NLGN4X: variants seen among roughly 807,000 people sequenced by gnomAD.
NLGN4X encodes the protein neuroligin-4, X-linked.
In NLGN4X, 3 loss-of-function variants were observed where a neutral mutation model predicts 40.3. That is an observed-to-expected ratio of 0.07 (90% CI 0.03 to 0.19). The LOEUF (loss-of-function observed/expected upper bound fraction) is 0.19, where lower values mean the gene tolerates loss of function less well. Ranked by LOEUF, NLGN4X falls within the 10% of genes least tolerant of loss-of-function variation. The pLI is 1.00. For synonymous variants in NLGN4X, 270 were observed against 306.8 expected, an observed-to-expected ratio of 0.88 and a Z score of 1.25; for missense variants, 382 against 708.3, an observed-to-expected ratio of 0.54 and a Z score of 5.23.
intron 1 of NLGN4X, chrX:6,226,796 C>CG (rs1926395936): frequency 8.3e-6 from 1 of 120,843 alleles, no homozygotes; most frequent in African/African-American, 3.2e-5. Context: ...GGGCGCAGGC[C>CG]GGGACCTGGG....
At chrX:5,949,630 A>G (rs1201585859) in intron 3 of NLGN4X, among the ~76,000 whole-genome samples, 1 of 112,209 alleles carries the variant, frequency 8.9e-6, no homozygotes, top group Non-Finnish European at 1.9e-5. Context: ...ATTAATTTCT[A>G]CAGAAGTAAT....
chrX:6,147,012 G>A (rs1235665018), intron 2 of NLGN4X, among the ~76,000 whole-genome samples: 2 of 111,361 alleles, frequency 1.8e-5, no homozygotes, highest in Non-Finnish European at 3.8e-5. Flanking sequence ...GGCTGGTCAC[G>A]AATTCCTGAC....
chrX:5,981,087 C>T (rs2035373688), intron 3 of NLGN4X, among the ~76,000 whole-genome samples: 1 of 110,559 alleles, frequency 9.0e-6, no homozygotes, highest in Non-Finnish European at 1.9e-5. Flanking sequence ...CATCAGTGTC[C>T]CTCAGTGACA....
intron 3 of NLGN4X, among the ~76,000 whole-genome samples, chrX:5,966,593 A>G (rs1420648108): frequency 8.9e-6 from 1 of 112,766 alleles, no homozygotes; most frequent in Non-Finnish European, 1.9e-5. Context: ...ATTATTAGTA[A>G]GTATACTTAA....
intron 5 of NLGN4X, among the ~76,000 whole-genome samples, chrX:5,897,616 G>A (rs1601845911): frequency 9.0e-6 from 1 of 111,642 alleles, no homozygotes; most frequent in East Asian, 2.8e-4. Flanking sequence ...CTCAGGCACA[G>A]GCCTGGGCAA....
At chrX:6,035,277 A>G (rs2036973052) in intron 2 of NLGN4X, among the ~76,000 whole-genome samples, 1 of 111,478 alleles carries the variant, frequency 9.0e-6, no homozygotes, top group African/African-American at 3.3e-5. Flanking sequence ...TATGTTCTCA[A>G]TAGTGCCTTT....
intron 2 of NLGN4X, among the ~76,000 whole-genome samples, chrX:6,113,709 AT>A (rs1414975880): frequency 9.1e-6 from 1 of 110,058 alleles, no homozygotes; most frequent in East Asian, 2.8e-4. Context: ...AAAAAAAAAA[AT>A]GCACGATACA....
At chrX:6,037,336 T>TA (rs1602109142) in intron 2 of NLGN4X, among the ~76,000 whole-genome samples, 3 of 109,170 alleles carry the variant, frequency 2.7e-5, no homozygotes, top group Non-Finnish European at 3.8e-5. Flanking sequence ...ATAAAAAAAT[T>TA]AAAAAAAATT....
chrX:6,214,715 T>G (rs181028783), intron 1 of NLGN4X, among the ~76,000 whole-genome samples: 1,146 of 111,065 alleles, frequency 0.01, 6 homozygotes, highest in Non-Finnish European at 0.016. Context: ...CGCAACATAG[T>G]GAGACCCCGT....
intron 2 of NLGN4X, among the ~76,000 whole-genome samples, chrX:6,038,504 G>C (rs147810663): frequency 8.9e-6 from 1 of 112,710 alleles, no homozygotes; most frequent in African/African-American, 3.2e-5. Context: ...GATGATTTTC[G>C]GATTGGATCA....
intron 2 of NLGN4X, among the ~76,000 whole-genome samples, chrX:6,041,958 G>C (rs1255811665): frequency 8.9e-6 from 1 of 112,161 alleles, no homozygotes; most frequent in Non-Finnish European, 1.9e-5. Context: ...TTAACTTTGA[G>C]AGTAGAAATT....
intron 3 of NLGN4X, among the ~76,000 whole-genome samples, chrX:5,924,363 TG>T (rs2033191365): frequency 1.0e-5 from 1 of 97,938 alleles, no homozygotes; most frequent in Non-Finnish European, 2.2e-5. Flanking sequence ...AAACATAAAA[TG>T]AAAAAAAAAA....
chrX:5,898,167 TTTC>T (rs2031624714), intron 5 of NLGN4X, among the ~76,000 whole-genome samples: 1 of 96,108 alleles, frequency 1.0e-5, no homozygotes, highest in African/African-American at 3.9e-5. Context: ...CCTTCCTCCC[TTTC>T]TTCCTTTCAC....
chrX:6,019,713 T>A (rs1047520639), intron 3 of NLGN4X, among the ~76,000 whole-genome samples: 11 of 111,296 alleles, frequency 9.9e-5, no homozygotes, highest in Admixed American at 3.8e-4. Context: ...CACGTCAACC[T>A]CATCAACTAA....
rs1457069739 is a variant in NLGN4X, at chrX:6,224,745, C to T, written c.-306+3796G>A. On this transcript the variant is annotated intron_variant, in intron 1 of 5. Coordinates refer to ENST00000381095, the MANE Select transcript of NLGN4X (RefSeq NM_181332.3). ...TCGGCATTAGTTTATTTAAATAAAA[C>T]GCAAAGAAAAGTAGCAATTCTTCCA... Among the ~76,000 whole-genome samples, 6 of 108,515 alleles carry T rather than the reference C, an allele frequency of 5.5e-5. No homozygotes were observed. In the South Asian group the frequency reaches 2.0e-3, roughly 37 times the overall value. 94.2% of individuals were successfully genotyped at this position (108,515 alleles called of 115,157 possible). A position where few individuals can be genotyped will look rare whatever the true frequency, so the allele number is the denominator to read the frequency against.
intron 1 of NLGN4X, among the ~76,000 whole-genome samples, chrX:6,226,302 G>A (rs1926309902): frequency 9.4e-6 from 1 of 106,454 alleles, no homozygotes; most frequent in South Asian, 4.2e-4. Flanking sequence ...AGAAGGCAGA[G>A]AAAAAGAAAC....
intron 2 of NLGN4X, among the ~76,000 whole-genome samples, chrX:6,099,595 A>G (rs2038861671): frequency 8.9e-6 from 1 of 112,093 alleles, no homozygotes; most frequent in Admixed American, 9.4e-5. Flanking sequence ...CTTACACCAT[A>G]AAGAACTACT....
intron 2 of NLGN4X, among the ~76,000 whole-genome samples, chrX:6,090,262 T>C (rs2038604626): frequency 9.0e-6 from 1 of 111,385 alleles, no homozygotes; most frequent in Non-Finnish European, 1.9e-5. Flanking sequence ...TATTGTATAT[T>C]CTCTATTAAT....
At chrX:6,138,477 A>T (rs1246042472) in intron 2 of NLGN4X, among the ~76,000 whole-genome samples, 1 of 112,187 alleles carries the variant, frequency 8.9e-6, no homozygotes, top group East Asian at 2.8e-4. Flanking sequence ...TAATGAAATT[A>T]AAAAGCTGTA....
Sources: gnomAD v4.1 joint callset for allele counts (sites outside exome capture counted in the v4.1 genomes callset) on GRCh38, gnomAD v4.1.1 for gene constraint, MANE v1.5 for transcripts, NCBI Gene and HGNC (gene_info 2026-07-23, HGNC 2026-07-21) for gene names.